ANAPC7: variants seen among roughly 807,000 people sequenced by gnomAD.
ANAPC7 encodes the protein anaphase-promoting complex subunit 7.
A neutral mutation model predicts 63.3 loss-of-function variants in ANAPC7; 25 were observed. The ratio of observed to expected loss-of-function variants is 0.39; its 90% CI spans 0.29 to 0.55. ANAPC7 has a LOEUF of 0.55. ANAPC7 is among the 20% of genes least tolerant of loss of function. ANAPC7 has a pLI of 0.57. For synonymous variants in ANAPC7, 241 were observed against 251.7 expected (o/e 0.96, Z 0.40); for missense variants, 516 against 691.7 (o/e 0.75, Z 2.85).
In ANAPC7 at chr12:110,388,605, T is replaced by C; in HGVS notation, c.427A>G (p.Asn143Asp). The C allele has an allele frequency of 1.2e-6, 2 of 1,614,022 alleles. No individual in the cohort carries two copies. Among genetic ancestry groups the C allele is most frequent in the Non-Finnish European group, 1.7e-6 (2 of 1,179,918 alleles). ...RTPKINMMLA[N>D]LYKKAGQERP... ...TCCTGACCAGCCTTCTTGTACAGGT[T>C]TGCCAGCATCATGTTTATCTGTACA... Residue 143 changes from asparagine (N) to aspartate (D), a missense_variant, in exon 4 of 11, where the codon AAC (asparagine) becomes GAC (aspartate). Transcript: ENST00000455511.
intron 3 of ANAPC7, among the ~76,000 whole-genome samples, chr12:110,394,482 A>T (rs1346766340): frequency 1.3e-5 from 2 of 151,570 alleles, no homozygotes; most frequent in Non-Finnish European, 2.9e-5. Flanking sequence ...CAAAAAAATT[A>T]GCCTGGCGTG....
intron 9 of ANAPC7, among the ~76,000 whole-genome samples, chr12:110,377,136 CA>C (rs35149960): frequency 0.048 from 2,212 of 46,442 alleles, 15 homozygotes; most frequent in South Asian, 0.15. Flanking sequence ...GATGCCGTCT[CA>C]AAAAAAAAAA....
In ANAPC7 at chr12:110,374,156, G is replaced by A. The variant is rs1293044205; in HGVS notation, c.1686C>T (p.Phe562=). 21 of 1,611,306 alleles carry A rather than the reference G, an allele frequency of 1.3e-5. No homozygotes were observed. Among genetic ancestry groups the A allele is most frequent in the African/African-American group, 2.7e-5 (2 of 74,916 alleles). ...AGCTGCCGCCCCCTCACTGCATGCC[G>A]AACCACTGCTCCTGGTCAGCCCACT... ...AAQWADQEQW[F]GMQ is the part of the protein sequence containing the mutation. Residue 562 remains phenylalanine, a synonymous_variant, in exon 11 of 11, where the codon TTC becomes TTT. Transcript: ENST00000455511.
chr12:110,395,796 C>G (rs1883525106), intron 2 of ANAPC7, among the ~76,000 whole-genome samples: 1 of 151,948 alleles, frequency 6.6e-6, no homozygotes, highest in African/African-American at 2.4e-5. Context: ...CCTAGGCCTC[C>G]CAAAGTGCTG....
intron 10 of ANAPC7, among the ~76,000 whole-genome samples, chr12:110,375,232 G>A (rs1300208250): frequency 6.6e-6 from 1 of 152,066 alleles, no homozygotes; most frequent in African/African-American, 2.4e-5. Flanking sequence ...CTGCCCTCTG[G>A]ACTCCCACCT....
rs561031522 is a variant in ANAPC7 at position 110,391,965 on chromosome 12, G to A, written c.408+3136C>T. On this transcript the variant is annotated intron_variant, in intron 3 of 10. Transcript: ENST00000455511. ...AAAGTAGCTGGGCGTGGTGGCACAC[G>A]CCTGTAGTCCCAGCTACTCGGGAGG... Among the ~76,000 whole-genome samples, 208 of 152,132 alleles carry A rather than the reference G, an allele frequency of 1.4e-3. 1 individual carries two copies. Among genetic ancestry groups the A allele is most frequent in the African/African-American group, 4.7e-3 (197 of 41,508 alleles).
intron 6 of ANAPC7, among the ~76,000 whole-genome samples, chr12:110,383,988 G>A (rs924180396): frequency 2.0e-5 from 3 of 150,616 alleles, no homozygotes; most frequent in Middle Eastern, 3.5e-3. Context: ...GGATCACGAG[G>A]TCAGGAGTTC....
chr12:110,400,431 T>C (rs553416234), intron 1 of ANAPC7, among the ~76,000 whole-genome samples: 2 of 152,288 alleles, frequency 1.3e-5, no homozygotes, highest in East Asian at 3.9e-4. Flanking sequence ...CCACAAGAAA[T>C]TTTAAAGTAT....
intron 6 of ANAPC7, among the ~76,000 whole-genome samples, chr12:110,384,426 C>T (rs1882259480): frequency 6.6e-6 from 1 of 151,478 alleles, no homozygotes; most frequent in Non-Finnish European, 1.5e-5. Context: ...CAAAGGAGGC[C>T]GGGCACGGTG....
At chr12:110,376,745 T>G (rs1277371645) in intron 9 of ANAPC7, among the ~76,000 whole-genome samples, 2 of 140,696 alleles carry the variant, frequency 1.4e-5, no homozygotes, top group Non-Finnish European at 3.1e-5. Context: ...AGTCATAAAA[T>G]CATCCAGATA....
At chr12:110,383,906 A>G (rs1270894402) in intron 6 of ANAPC7, among the ~76,000 whole-genome samples, 1 of 144,572 alleles carries the variant, frequency 6.9e-6, no homozygotes, top group Non-Finnish European at 1.5e-5. Context: ...AAAGAAAAAA[A>G]AAAGAAAAAA....
chr12:110,396,464 G>C lies in ANAPC7; in HGVS notation c.102-12C>G. 6.3e-7 allele frequency: 1 copy of C among 1,581,084 alleles called. No individual in the cohort carries two copies. On this transcript the variant is annotated splice_polypyrimidine_tract_variant and intron_variant, in intron 1 of 10. Coordinates refer to ENST00000455511, the MANE Select transcript of ANAPC7 (RefSeq NM_016238.3). ...GGGAGAATAACTCACTAGAAAACAA[G>C]AGAAAATGTAATACATCTTTTCCTC...
intron 1 of ANAPC7, among the ~76,000 whole-genome samples, chr12:110,402,534 CTG>C (rs2062246776): frequency 6.6e-6 from 1 of 151,792 alleles, no homozygotes; most frequent in Admixed American, 6.6e-5. Context: ...CGGGGTTACA[CTG>C]TGTTAGCCAG....
At chr12:110,374,393 T>A (rs1881065112) in intron 10 of ANAPC7, 60 bp from the exon 11 acceptor site, 1 of 1,535,296 alleles carries the variant, frequency 6.5e-7, no homozygotes. Context: ...GCTGGCTGAT[T>A]CGTCATCTCC....
chr12:110,383,425 ACT>A (rs367895598), intron 6 of ANAPC7, among the ~76,000 whole-genome samples: 222 of 148,922 alleles, frequency 1.5e-3, no homozygotes, highest in African/African-American at 5.4e-3. Flanking sequence ...ACAGACTGAG[ACT>A]CTGTCTCAAA....
At chr12:110,382,455 AAAAAAAATATATAT>A (rs1268625764) in intron 7 of ANAPC7, among the ~76,000 whole-genome samples, 12 of 70,464 alleles carry the variant, frequency 1.7e-4, no homozygotes, top group South Asian at 8.6e-4. Flanking sequence ...AAAAAAAAAA[AAAAAAAATATATAT>A]ATATATATAT....
chr12:110,385,844 G>A (rs1882401439), intron 6 of ANAPC7, among the ~76,000 whole-genome samples: 1 of 152,154 alleles, frequency 6.6e-6, no homozygotes, highest in Admixed American at 6.6e-5. Flanking sequence ...GGAGGTCCCT[G>A]TGAAGATTAC....
At chr12:110,399,396 T>C (rs2062191892) in intron 1 of ANAPC7, among the ~76,000 whole-genome samples, 1 of 151,674 alleles carries the variant, frequency 6.6e-6, no homozygotes. Context: ...CCCAACACTT[T>C]GGGAGGTTGA....
intron 3 of ANAPC7, 95 bp from the exon 4 acceptor site, chr12:110,388,718 T>C (rs987153600): frequency 2.3e-6 from 2 of 877,612 alleles, no homozygotes; most frequent in African/African-American, 1.7e-5. Context: ...ACCAGTTATT[T>C]ACTTTTTACT....
Sources: allele counts gnomAD v4.1 joint callset (sites outside exome capture counted in the v4.1 genomes callset), GRCh38; gene constraint gnomAD v4.1.1; transcripts MANE v1.5; gene names NCBI Gene and HGNC (gene_info 2026-07-23, HGNC 2026-07-21).